The following SCAP variants were observed in gnomAD, a reference collection of about 807,000 sequenced individuals.
SCAP encodes sterol regulatory element-binding protein cleavage-activating protein.
Under a neutral mutation model 123.6 loss-of-function variants are expected in SCAP, and 65 were observed. The ratio of observed to expected loss-of-function variants is 0.53; its 90% confidence interval spans 0.43 to 0.65. SCAP has a LOEUF of 0.65. Ranked by LOEUF, SCAP falls within the 30% of genes least tolerant of loss-of-function variation. The pLI is 0.00. For synonymous variants in SCAP, 740 were observed against 726.3 expected (o/e 1.02, Z -0.30); for missense variants, 1,398 against 1,712.5 (o/e 0.82, Z 3.24).
intron 2 of SCAP, among the ~76,000 whole-genome samples, chr3:47,437,737 C>T (rs1302134819): frequency 2.0e-5 from 3 of 151,358 alleles, no homozygotes; most frequent in East Asian, 3.9e-4. Context: ...GTGAGACCCC[C>T]GTCTCAAAAA....
chr3:47,434,595 T>A (rs1018612635), intron 3 of SCAP, among the ~76,000 whole-genome samples: 1 of 152,186 alleles, frequency 6.6e-6, no homozygotes, highest in Non-Finnish European at 1.5e-5. Flanking sequence ...CCCAGCACTT[T>A]GGGAGGCCAA....
chr3:47,418,362 C>T lies in SCAP; in HGVS notation c.2290G>A (p.Glu764Lys), dbSNP rs774174292. The T allele has an allele frequency of 1.9e-6, 3 of 1,571,344 alleles. No individual in the cohort carries two copies. Among genetic ancestry groups the T allele is most frequent in the African/African-American group, 1.4e-5 (1 of 74,052 alleles). The change falls in exon 15 of 23, where the codon GAG (glutamate) becomes AAG (lysine). Residue 764 changes from glutamate (E) to lysine (K), a missense_variant. Glu to Lys is a moderately conservative substitution (Grantham distance 56). Transcript: ENST00000265565. ...PCDDYGYAPP[E>K]TEIVPLVLRG... ...AGCACAAGCGGCACGATCTCCGTCTCGGGTGGCGCATAGCCGTAGTCGTCG... is the reference window on the plus strand; with the variant it reads ...AGCACAAGCGGCACGATCTCCGTCTTGGGTGGCGCATAGCCGTAGTCGTCG...
chr3:47,454,769 CAT>C (rs946597351), intron 1 of SCAP, among the ~76,000 whole-genome samples: 1 of 151,444 alleles, frequency 6.6e-6, no homozygotes, highest in Admixed American at 6.6e-5. Flanking sequence ...AAAAAATACA[CAT>C]ATATATATAA....
chr3:47,470,365 G>A (rs1707984170), intron 1 of SCAP, among the ~76,000 whole-genome samples: 2 of 152,318 alleles, frequency 1.3e-5, no homozygotes, highest in South Asian at 4.1e-4. Flanking sequence ...TGGCACTAGA[G>A]ACCCTAAAGG....
intron 14 of SCAP, 48 bp downstream of exon 14, chr3:47,418,607 T>G: frequency 6.6e-7 from 1 of 1,513,754 alleles, no homozygotes; most frequent in Non-Finnish European, 8.9e-7. Flanking sequence ...TGCCTACCCG[T>G]CCCCCTCCCC....
intron 1 of SCAP, among the ~76,000 whole-genome samples, chr3:47,472,115 A>G (rs1286821845): frequency 6.6e-6 from 1 of 150,878 alleles, no homozygotes; most frequent in East Asian, 1.9e-4. Flanking sequence ...ATTGAGTGAG[A>G]CTCCATCTCA....
chr3:47,461,752 G>A (rs1707646973), intron 1 of SCAP, among the ~76,000 whole-genome samples: 2 of 152,138 alleles, frequency 1.3e-5, no homozygotes, highest in African/African-American at 2.4e-5. Context: ...GAGCAGTCTA[G>A]GCCGGGCACG....
intron 10 of SCAP, 178 bp from the exon 11 acceptor site, chr3:47,421,207 T>C: frequency 1.6e-6 from 1 of 632,374 alleles, no homozygotes; most frequent in Admixed American, 2.6e-5. Context: ...GCTCACCCCG[T>C]CTCCACCAGG....
At position 47,420,466 on chromosome 3, in the gene SCAP, G is replaced by A; in HGVS notation, c.1563+88C>T. On this transcript the variant is annotated intron_variant, in intron 12 of 22. Transcript: ENST00000265565. The surrounding 1 kb of genome is among the most constrained non-coding windows in gnomAD (Gnocchi z 5.0). ...CACCAGGGCCTGAGGAATACCCTTT[G>A]CCACTCTAAGGCCAAGTGCAGCACC... is the stretch of plus-strand genomic sequence containing the variant. 1 of 1,220,914 alleles carries A rather than the reference G, an allele frequency of 8.2e-7. No homozygotes were observed. 75.6% of individuals were successfully genotyped at this position (1,220,914 alleles called of 1,614,324 possible).
upstream of SCAP, chr3:47,476,011 G>T (rs558772164): frequency 2.0e-5 from 3 of 152,198 alleles, no homozygotes; most frequent in Non-Finnish European, 2.9e-5. Flanking sequence ...GCCCAGCGGC[G>T]TGCGCATGCG....
At chr3:47,445,285 T>C (rs1304268818) in intron 1 of SCAP, among the ~76,000 whole-genome samples, 1 of 151,136 alleles carries the variant, frequency 6.6e-6, no homozygotes, top group Non-Finnish European at 1.5e-5. Flanking sequence ...TTGCTCTTGT[T>C]GCCCAGGCTG....
At chr3:47,421,899 C>T (rs1245504069) in intron 10 of SCAP, among the ~76,000 whole-genome samples, 1 of 152,302 alleles carries the variant, frequency 6.6e-6, no homozygotes, top group Non-Finnish European at 1.5e-5. Context: ...CTGCTCACAG[C>T]CCACAGCTGA....
At chr3:47,452,830 G>A (rs1707274287) in intron 1 of SCAP, among the ~76,000 whole-genome samples, 1 of 151,892 alleles carries the variant, frequency 6.6e-6, no homozygotes, top group African/African-American at 2.4e-5. Context: ...ACTAATGTCT[G>A]TAATCCCAGC....
chr3:47,459,479 C>T (rs577684342), intron 1 of SCAP, among the ~76,000 whole-genome samples: 26 of 152,126 alleles, frequency 1.7e-4, no homozygotes, highest in Middle Eastern at 3.4e-3. Flanking sequence ...AAGTGTCGGC[C>T]GGCTGAGAAA....
chr3:47,417,977 ACGGGGTGGT>A (rs1705698452), intron 16 of SCAP, 148 bp downstream of exon 16: 28 of 352,084 alleles, frequency 8.0e-5, no homozygotes, highest in Non-Finnish European at 1.3e-4. Context: ...AGAGGGGGGT[ACGGGGTGGT>A]GGGAGGGGGT....
At chr3:47,438,607 A>T (rs1021795333) in intron 2 of SCAP, among the ~76,000 whole-genome samples, 1 of 152,174 alleles carries the variant, frequency 6.6e-6, no homozygotes, top group African/African-American at 2.4e-5. Context: ...TGAGGTCAGG[A>T]GTTCAAGACC....
intron 1 of SCAP, among the ~76,000 whole-genome samples, chr3:47,468,078 C>T (rs879012655): frequency 6.6e-6 from 1 of 152,108 alleles, no homozygotes; most frequent in Non-Finnish European, 1.5e-5. Context: ...CATAGTATTC[C>T]ATGGTGTATA....
At chr3:47,425,769 C>G (rs548067579) in intron 7 of SCAP, among the ~76,000 whole-genome samples, 158 bp from the exon 8 acceptor site, 54 of 152,298 alleles carry the variant, frequency 3.5e-4, no homozygotes, top group Middle Eastern at 3.4e-3. Context: ...GTCATGGACA[C>G]AGTACACCTT....
intron 2 of SCAP, among the ~76,000 whole-genome samples, chr3:47,435,913 G>A (rs1576280433): frequency 1.3e-5 from 2 of 152,152 alleles, no homozygotes; most frequent in East Asian, 1.9e-4. Flanking sequence ...AGCCAGGCAT[G>A]GCCATGTGAA....
Sources: gnomAD v4.1 joint callset for allele counts (sites outside exome capture counted in the v4.1 genomes callset) on GRCh38, gnomAD v4.1.1 for gene constraint, Gnocchi (gnomAD v3.1) non-coding constraint, MANE v1.5 for transcripts, NCBI Gene and HGNC (gene_info 2026-07-23, HGNC 2026-07-21) for gene names.